Variants in C1orf21 observed in about 807,000 individuals in gnomAD.
C1orf21 encodes chromosome 1 open reading frame 21.
In C1orf21, 3 loss-of-function variants were observed where a neutral mutation model predicts 18.7. The ratio of observed to expected loss-of-function variants is 0.16; its 90% CI spans 0.07 to 0.42. C1orf21 has a LOEUF of 0.42. C1orf21 is among the 10% of genes least tolerant of loss of function. The pLI, the probability that C1orf21 is intolerant of heterozygous loss-of-function variation, is 0.99. For missense variants in C1orf21, 104 were observed against 143.6 expected (o/e 0.72, Z 1.41); for synonymous variants, 41 against 46.4 (o/e 0.88, Z 0.47).
chr1:184,448,680 T>A (rs1657070419), intron 1 of C1orf21, among the ~76,000 whole-genome samples: 1 of 152,182 alleles, frequency 6.6e-6, no homozygotes, highest in African/African-American at 2.4e-5. Flanking sequence ...AGGCACTACC[T>A]CAAGCTCTTT....
At chr1:184,504,478 G>T (rs1215185597) in intron 2 of C1orf21, among the ~76,000 whole-genome samples, 1 of 152,180 alleles carries the variant, frequency 6.6e-6, no homozygotes, top group Non-Finnish European at 1.5e-5. Context: ...GGTAGTGATT[G>T]TTTTACTGTC....
At chr1:184,591,089 C>T (rs1346365361) in intron 4 of C1orf21, among the ~76,000 whole-genome samples, 1 of 151,958 alleles carries the variant, frequency 6.6e-6, no homozygotes, top group African/African-American at 2.4e-5. Flanking sequence ...AATTCTATAC[C>T]ATTTTATATC....
intron 5 of C1orf21, among the ~76,000 whole-genome samples, chr1:184,617,364 G>C (rs1659842275): frequency 6.6e-6 from 1 of 152,186 alleles, no homozygotes; most frequent in Admixed American, 6.5e-5. Flanking sequence ...CCATTTGTAA[G>C]TTACCTCTCA....
intron 3 of C1orf21, among the ~76,000 whole-genome samples, chr1:184,585,914 T>C (rs1659345751): frequency 6.6e-6 from 1 of 152,208 alleles, no homozygotes; most frequent in Non-Finnish European, 1.5e-5. Context: ...TTGTGAGTAG[T>C]TCTGCAATGC....
At chr1:184,433,509 G>C (rs574410196) in intron 1 of C1orf21, among the ~76,000 whole-genome samples, 11 of 152,172 alleles carry the variant, frequency 7.2e-5, no homozygotes, top group Admixed American at 3.3e-4. Context: ...CAATTTCTTA[G>C]TACAATATGC....
At chr1:184,537,868 C>T (rs571029018) in intron 3 of C1orf21, among the ~76,000 whole-genome samples, 15 of 152,160 alleles carry the variant, frequency 9.9e-5, no homozygotes, top group African/African-American at 7.2e-5. Context: ...AGGCTGGTCT[C>T]GAACTCCTGA....
rs1396755668 is a variant in C1orf21 at position 184,620,983 on chromosome 1, C to T, written c.*1427C>T. 1.3e-5 allele frequency: 2 copies of T among 151,118 alleles called. No individual in the cohort carries two copies. The highest frequency in any genetic ancestry group is 2.9e-5 in the Non-Finnish European group (2 of 67,904). The allele number at this position is 151,118 out of a possible 1,614,324, so 9.4% of individuals were successfully genotyped here. A position where few individuals can be genotyped will look rare whatever the true frequency, so the allele number is the denominator to read the frequency against. On this transcript the variant is annotated 3_prime_UTR_variant, in exon 6 of 6. Coordinates refer to ENST00000235307, the MANE Select transcript of C1orf21 (RefSeq NM_030806.4). ...GCCAGCAGTCCGGGTCTGGGTTTGT[C>T]CCACAAAATCACAGGAGCACTGTAT...
chr1:184,466,581 T>C (rs985206687), intron 1 of C1orf21, among the ~76,000 whole-genome samples: 4 of 152,232 alleles, frequency 2.6e-5, no homozygotes, highest in Non-Finnish European at 4.4e-5. Flanking sequence ...TGTGGTAGGT[T>C]AAAGGGGCAT....
In C1orf21 at chr1:184,619,816, G is replaced by A; in HGVS notation, c.*260G>A. ...CTTGTTGCAACTTTTCACTTCTCTT[G>A]TGTCCAGGTATGCAGCAAAATTCTG... On this transcript the variant is annotated 3_prime_UTR_variant, in exon 6 of 6. Coordinates refer to ENST00000235307, the MANE Select transcript of C1orf21 (RefSeq NM_030806.4). 1 of 383,216 alleles carries A rather than the reference G, an allele frequency of 2.6e-6. No individual in the cohort carries two copies. Among genetic ancestry groups the A allele is most frequent in the Non-Finnish European group, 4.6e-6 (1 of 217,358 alleles). The allele number at this position is 383,216 out of a possible 1,614,324, so 23.7% of individuals were successfully genotyped here.
At chr1:184,513,041 A>G (rs1351393197) in intron 3 of C1orf21, among the ~76,000 whole-genome samples, 4 of 152,230 alleles carry the variant, frequency 2.6e-5, no homozygotes, top group African/African-American at 9.6e-5. Context: ...GAGATTCTTA[A>G]CTAATGTCTG....
At chr1:184,470,979 G>T (rs1373362689) in intron 1 of C1orf21, among the ~76,000 whole-genome samples, 1 of 152,042 alleles carries the variant, frequency 6.6e-6, no homozygotes, top group African/African-American at 2.4e-5. Flanking sequence ...TAAGTCTTCT[G>T]CATGGGTCCA....
intron 3 of C1orf21, among the ~76,000 whole-genome samples, chr1:184,513,995 T>C (rs2101966495): frequency 2.0e-5 from 3 of 152,316 alleles, no homozygotes; most frequent in Admixed American, 2.0e-4. Flanking sequence ...GCCTTGTTCC[T>C]ACATCAAAAA....
chr1:184,437,561 G>A (rs1656877918), intron 1 of C1orf21, among the ~76,000 whole-genome samples: 1 of 152,048 alleles, frequency 6.6e-6, no homozygotes, highest in African/African-American at 2.4e-5. Context: ...CAGGTTGTTT[G>A]TGTGCTTGCT....
At chr1:184,536,840 C>A (rs1453941453) in intron 3 of C1orf21, among the ~76,000 whole-genome samples, 1 of 112,568 alleles carries the variant, frequency 8.9e-6, no homozygotes, top group African/African-American at 4.0e-5. Flanking sequence ...GGAGTGTATT[C>A]TTTTGTGGAA....
chr1:184,438,339 G>A (rs1656890060), intron 1 of C1orf21, among the ~76,000 whole-genome samples: 1 of 152,198 alleles, frequency 6.6e-6, no homozygotes, highest in Admixed American at 6.5e-5. Flanking sequence ...TTGAGAGTTA[G>A]AAGGGATCTT....
chr1:184,451,461 AATTTT>A (rs113331507), intron 1 of C1orf21, among the ~76,000 whole-genome samples: 21,992 of 136,014 alleles, frequency 0.16, 1,707 homozygotes, highest in Middle Eastern at 0.22. Context: ...TGGCTAATTT[AATTTT>A]TTTTTTTTTT....
At chr1:184,475,465 G>A (rs2101989747) in intron 1 of C1orf21, among the ~76,000 whole-genome samples, 1 of 152,138 alleles carries the variant, frequency 6.6e-6, no homozygotes, top group East Asian at 1.9e-4. Context: ...TTTCAGCCTG[G>A]TAAATTTCTA....
At position 184,624,565 on chromosome 1, in the gene C1orf21, C is replaced by G. The variant is rs1659976371; in HGVS notation, c.*5009C>G. On this transcript the variant is annotated 3_prime_UTR_variant, in exon 6 of 6. Coordinates refer to ENST00000235307, the MANE Select transcript of C1orf21 (RefSeq NM_030806.4). ...ATGGGGGTCTGGGACAATCCGATCT[C>G]CAAGCATGGAGGAAAGGCAATGCCT... 6.6e-6 allele frequency: 1 copy of G among 152,216 alleles called. No homozygotes were observed. Among genetic ancestry groups the G allele is most frequent in the African/African-American group, 2.4e-5 (1 of 41,540 alleles). 9.4% of individuals were successfully genotyped at this position (152,216 alleles called of 1,614,324 possible).
chr1:184,390,508 C>T (rs1454776704), intron 1 of C1orf21, among the ~76,000 whole-genome samples: 1 of 152,164 alleles, frequency 6.6e-6, no homozygotes, highest in Admixed American at 6.5e-5. Flanking sequence ...CGTAAATCTA[C>T]TTATACATCT....
Sources: allele counts gnomAD v4.1 joint callset (sites outside exome capture counted in the v4.1 genomes callset), GRCh38; gene constraint gnomAD v4.1.1; transcripts MANE v1.5; gene names NCBI Gene and HGNC (gene_info 2026-07-23, HGNC 2026-07-21).